The following TPPP variants were observed in gnomAD, a reference collection of about 807,000 sequenced individuals.
TPPP encodes the protein tubulin polymerization promoting protein.
Under a neutral mutation model 15.5 loss-of-function variants are expected in TPPP, and 6 were observed. The observed-to-expected ratio is 0.39, with a 90% CI of 0.21 to 0.77. The LOEUF (loss-of-function observed/expected upper bound fraction) is 0.77. Ranked by LOEUF, TPPP falls within the 30% of genes least tolerant of loss-of-function variation. TPPP has a pLI of 0.42. For synonymous variants in TPPP, 146 were observed against 133.9 expected, an observed-to-expected ratio of 1.09 and a Z score of -0.63; for missense variants, 269 against 307.2, an observed-to-expected ratio of 0.88 and a Z score of 0.93.
intron 2 of TPPP, among the ~76,000 whole-genome samples, chr5:668,190 C>T (rs1460961509): frequency 4.0e-5 from 5 of 124,206 alleles, no homozygotes; most frequent in African/African-American, 1.5e-4. Context: ...TCCGCGTGGG[C>T]GCCGTCAGGG....
In TPPP at chr5:677,865, C is replaced by T; in HGVS notation, c.196G>A (p.Ala66Thr). 3 of 1,612,754 alleles carry T rather than the reference C, an allele frequency of 1.9e-6. No individual in the cohort carries two copies. The highest frequency in any genetic ancestry group is 2.5e-6 in the Non-Finnish European group (3 of 1,179,862). The change falls in exon 2 of 4, where the codon GCC becomes ACC. Residue 66 changes from alanine to threonine, a missense_variant. Coordinates refer to ENST00000360578, the MANE Select transcript of TPPP (RefSeq NM_007030.3). ...RRFAVHGDARATGREMHGKNW... is the reference protein window; with the variant it reads ...RRFAVHGDARTTGREMHGKNW... Reference sequence around the variant, plus strand: ...TTGCCGTGCATCTCCCTCCCGGTGGCCCTGGCGTCCCCGTGCACGGCAAAG... The same window carrying T: ...TTGCCGTGCATCTCCCTCCCGGTGGTCCTGGCGTCCCCGTGCACGGCAAAG...
At chr5:671,307 C>G (rs1740215225) in intron 2 of TPPP, among the ~76,000 whole-genome samples, 1 of 152,098 alleles carries the variant, frequency 6.6e-6, no homozygotes, top group Non-Finnish European at 1.5e-5. Flanking sequence ...GAAGAGGTGG[C>G]CCTTGGTGGG....
chr5:667,941 C>T (rs1214163964), intron 2 of TPPP, among the ~76,000 whole-genome samples: 1 of 59,396 alleles, frequency 1.7e-5, no homozygotes, highest in Non-Finnish European at 2.8e-5. Context: ...GAGAGGGGGC[C>T]GTGTGGGCGC....
intron 1 of TPPP, chr5:692,471 C>A (rs1177309809): frequency 1.8e-6 from 1 of 547,030 alleles, no homozygotes; most frequent in Non-Finnish European, 2.3e-6. Flanking sequence ...AAAACAGCAG[C>A]CCCCCAAACC....
intron 2 of TPPP, among the ~76,000 whole-genome samples, chr5:675,567 G>A (rs1740402912): frequency 1.3e-5 from 2 of 148,220 alleles, no homozygotes; most frequent in Admixed American, 6.7e-5. Context: ...CAGTGTGGCT[G>A]GGGGTGCGGT....
intron 2 of TPPP, among the ~76,000 whole-genome samples, chr5:670,562 G>T (rs964052378): frequency 2.0e-5 from 3 of 152,264 alleles, no homozygotes; most frequent in South Asian, 2.1e-4. Flanking sequence ...GGCCCCACGG[G>T]GGGAGGGGGA....
At chr5:686,042 A>C (rs536684298) in intron 1 of TPPP, among the ~76,000 whole-genome samples, 27 of 152,320 alleles carry the variant, frequency 1.8e-4, no homozygotes, top group Middle Eastern at 3.4e-3. Context: ...GCTGTGGCGG[A>C]GACTGATACG....
intron 2 of TPPP, among the ~76,000 whole-genome samples, chr5:673,252 C>G (rs746361124): frequency 6.6e-6 from 1 of 152,212 alleles, no homozygotes; most frequent in Non-Finnish European, 1.5e-5. Flanking sequence ...TGGCCCTGCT[C>G]CTCTCTCTTC....
At chr5:697,234 C>A (rs1184066485), upstream of TPPP, among the ~76,000 whole-genome samples, 1 of 150,500 alleles carries the variant, frequency 6.6e-6, no homozygotes, top group Non-Finnish European at 1.5e-5. Flanking sequence ...GGCAGGTGAG[C>A]CTTGCGGCTT....
chr5:692,215 C>A (rs1322651973), intron 1 of TPPP, among the ~76,000 whole-genome samples: 46 of 105,952 alleles, frequency 4.3e-4, no homozygotes, highest in African/African-American at 1.5e-3. Flanking sequence ...AGCCCCCCAA[C>A]CCCCTATCAA....
Position 665,002 on chromosome 5 carries a change from C to T in TPPP, c.*100G>A, listed in dbSNP as rs1739834064. The T allele has an allele frequency of 7.0e-7, 1 of 1,424,692 alleles. No homozygotes were observed. The highest frequency in any genetic ancestry group is 1.4e-5 in the African/African-American group (1 of 71,032). 88.3% of individuals were successfully genotyped at this position (1,424,692 alleles called of 1,614,324 possible). ...CCCCAGCCCCCTCTGGGGCACCCGT[C>T]TGAGTTCTGCCCCAGTTAGTACAGG... is the stretch of plus-strand genomic sequence containing the variant. On this transcript the variant is annotated 3_prime_UTR_variant, in exon 4 of 4. Coordinates refer to ENST00000360578, the MANE Select transcript of TPPP (RefSeq NM_007030.3).
At chr5:671,218 G>C (rs1379814099) in intron 2 of TPPP, among the ~76,000 whole-genome samples, 1 of 150,806 alleles carries the variant, frequency 6.6e-6, no homozygotes, top group East Asian at 2.0e-4. Context: ...TTAATTTTGC[G>C]TTGCTGCCGG....
At chr5:672,267 GGAGC>G (rs1561084980) in intron 2 of TPPP, among the ~76,000 whole-genome samples, 1 of 152,166 alleles carries the variant, frequency 6.6e-6, no homozygotes. Context: ...CAGACCCCAG[GGAGC>G]CTGGCCCTGC....
At chr5:691,056 CCGGCG>C (rs1000291962) in intron 1 of TPPP, among the ~76,000 whole-genome samples, 1 of 49,428 alleles carries the variant, frequency 2.0e-5, no homozygotes, top group Non-Finnish European at 3.5e-5. Context: ...CGAGTTCATG[CCGGCG>C]CCTTTCTGAA....
At chr5:665,346 G>T (rs757737016) in intron 3 of TPPP, 50 bp from the exon 4 acceptor site, 1 of 1,550,470 alleles carries the variant, frequency 6.4e-7, no homozygotes, top group Non-Finnish European at 8.7e-7. Flanking sequence ...AGCCAGGTGA[G>T]GCCAGCAAGT....
At chr5:691,968 G>A (rs1740887128) in intron 1 of TPPP, among the ~76,000 whole-genome samples, 1 of 87,856 alleles carries the variant, frequency 1.1e-5, no homozygotes, top group East Asian at 3.9e-4. Flanking sequence ...CATCAAAACA[G>A]CAGCCCCCAG....
rs1430135090 is a variant in TPPP, at chr5:660,091, G to A, written c.*5011C>T. 6.6e-6 allele frequency: 1 copy of A among 152,260 alleles called. No individual in the cohort carries two copies. Among genetic ancestry groups the A allele is most frequent in the Admixed American group, 6.5e-5 (1 of 15,276 alleles). 9.4% of individuals were successfully genotyped at this position (152,260 alleles called of 1,614,324 possible). On this transcript the variant is annotated 3_prime_UTR_variant, in exon 4 of 4. Coordinates refer to ENST00000360578, the MANE Select transcript of TPPP (RefSeq NM_007030.3). Reference sequence around the variant, plus strand: ...GGTGAGTGCGGTTTAGACATCAGCAGAAGTGGCTTTCAGAGTCAGAACAGC... The same window carrying A: ...GGTGAGTGCGGTTTAGACATCAGCAAAAGTGGCTTTCAGAGTCAGAACAGC...
intron 1 of TPPP, among the ~76,000 whole-genome samples, chr5:686,842 T>C (rs1488702691): frequency 7.0e-6 from 1 of 142,532 alleles, no homozygotes; most frequent in Non-Finnish European, 1.6e-5. Flanking sequence ...GAGATTCAGC[T>C]ATGGGGGCCA....
rs1238483697 is a variant in TPPP, at chr5:665,314, G to A, written c.466-18C>T. On this transcript the variant is annotated intron_variant, in intron 3 of 3. Transcript: ENST00000360578. Reference sequence around the variant, plus strand: ...ATGGCTTTCTGCAAGAGGAGCAGGAGGAAGGGGGCAGGTGAGTTGCGAGCC... The same window carrying A: ...ATGGCTTTCTGCAAGAGGAGCAGGAAGAAGGGGGCAGGTGAGTTGCGAGCC... The A allele has an allele frequency of 1.2e-6, 2 of 1,606,036 alleles. No individual in the cohort carries two copies. The highest frequency in any genetic ancestry group is 3.4e-5 in the Admixed American group (2 of 59,308).
Sources: gnomAD v4.1 joint callset for allele counts (sites outside exome capture counted in the v4.1 genomes callset) on GRCh38, gnomAD v4.1.1 for gene constraint, MANE v1.5 for transcripts, NCBI Gene and HGNC (gene_info 2026-07-23, HGNC 2026-07-21) for gene names.